Variants in INPP4B observed in about 807,000 individuals in gnomAD.
INPP4B encodes the protein inositol polyphosphate 4-phosphatase type II.
In INPP4B, 55 loss-of-function variants were observed where a neutral mutation model predicts 122.5. The observed-to-expected ratio is 0.45, with a 90% CI of 0.36 to 0.56. INPP4B has a LOEUF of 0.56. INPP4B is among the 20% of genes least tolerant of loss of function. The pLI is 0.00. For missense variants in INPP4B, 1,000 were observed against 1,097.7 expected (o/e 0.91, Z 1.26); for synonymous variants, 403 against 388.7 (o/e 1.04, Z -0.43).
At chr4:142,544,707 C>A (rs1468702775) in intron 2 of INPP4B, among the ~76,000 whole-genome samples, 1 of 152,044 alleles carries the variant, frequency 6.6e-6, no homozygotes, top group Non-Finnish European at 1.5e-5. Flanking sequence ...ACAGGGCAGG[C>A]TGACCATACT....
intron 3 of INPP4B, among the ~76,000 whole-genome samples, chr4:142,460,156 A>G (rs1475461116): frequency 2.6e-5 from 4 of 152,150 alleles, no homozygotes; most frequent in Admixed American, 1.3e-4. Flanking sequence ...GACAATGTTG[A>G]AAAAACAGGA....
intron 7 of INPP4B, among the ~76,000 whole-genome samples, chr4:142,338,029 C>T (rs1777438356): frequency 6.6e-6 from 1 of 151,954 alleles, no homozygotes. Context: ...TTTGTCAGCA[C>T]TTACATATCT....
chr4:142,114,742 T>C (rs1792137868), intron 21 of INPP4B, among the ~76,000 whole-genome samples: 1 of 152,072 alleles, frequency 6.6e-6, no homozygotes. Flanking sequence ...AATGGTGTTC[T>C]TTTGATGCTT....
intron 1 of INPP4B, among the ~76,000 whole-genome samples, chr4:142,731,418 A>G (rs1766070382): frequency 6.6e-6 from 1 of 152,220 alleles, no homozygotes; most frequent in African/African-American, 2.4e-5. Flanking sequence ...ATAAAATTAA[A>G]AAAGGCAGTC....
In INPP4B at chr4:142,124,777, T is replaced by G. The variant is rs1439339982; in HGVS notation, c.1721-17A>C. ...ACCAGTCCTCTGGGGGAAGGGGGTG[T>G]AAGAACAGTGCAATAGATGAAGGAA... On this transcript the variant is annotated splice_polypyrimidine_tract_variant and intron_variant, in intron 18 of 25. Transcript: ENST00000262992. The G allele has an allele frequency of 1.3e-6, 2 of 1,506,990 alleles. No individual in the cohort carries two copies. 93.4% of individuals were successfully genotyped at this position (1,506,990 alleles called of 1,614,324 possible).
chr4:142,393,181 C>T (rs906460619), intron 7 of INPP4B, among the ~76,000 whole-genome samples: 4 of 152,064 alleles, frequency 2.6e-5, no homozygotes, highest in Admixed American at 2.0e-4. Context: ...GAGAGTGGTG[C>T]CAAGGCCCTG....
chr4:142,290,195 C>CTTT (rs35260066), intron 9 of INPP4B, among the ~76,000 whole-genome samples: 924 of 77,492 alleles, frequency 0.012, 188 homozygotes, highest in African/African-American at 0.053. Flanking sequence ...TTCTTTCTTC[C>CTTT]TTTTTTTTTT....
chr4:142,339,205 T>C (rs573230498), intron 7 of INPP4B, among the ~76,000 whole-genome samples: 7 of 152,348 alleles, frequency 4.6e-5, no homozygotes, highest in Non-Finnish European at 1.0e-4. Context: ...GGTTCTACTT[T>C]GCAAACAGTC....
chr4:142,131,249 G>A (rs114320454), intron 18 of INPP4B, among the ~76,000 whole-genome samples: 1,908 of 152,246 alleles, frequency 0.013, 23 homozygotes, highest in African/African-American at 0.028. Context: ...TTATCAATAT[G>A]TCTACATCAG....
chr4:142,252,882 G>A (rs974820814), intron 11 of INPP4B, among the ~76,000 whole-genome samples: 2 of 152,110 alleles, frequency 1.3e-5, no homozygotes, highest in Admixed American at 6.5e-5. Flanking sequence ...GTTTAACAAG[G>A]GGTTATGTTC....
At chr4:142,799,729 T>A (rs1304965115) in intron 1 of INPP4B, among the ~76,000 whole-genome samples, 1 of 151,924 alleles carries the variant, frequency 6.6e-6, no homozygotes, top group African/African-American at 2.4e-5. Flanking sequence ...TTTTTAATAG[T>A]GCATCTAGTG....
chr4:142,563,888 C>G (rs1050186082), intron 2 of INPP4B, among the ~76,000 whole-genome samples: 1 of 152,130 alleles, frequency 6.6e-6, no homozygotes, highest in Non-Finnish European at 1.5e-5. Context: ...GCTAATCCCC[C>G]GAAGCAGAGC....
chr4:142,303,598 G>A (rs190826977), intron 9 of INPP4B, among the ~76,000 whole-genome samples: 29 of 152,102 alleles, frequency 1.9e-4, no homozygotes, highest in African/African-American at 5.3e-4. Context: ...AAGAGGCTAC[G>A]ATAAATCTAT....
intron 12 of INPP4B, among the ~76,000 whole-genome samples, chr4:142,210,654 AG>A (rs1844498371): frequency 6.6e-6 from 1 of 152,246 alleles, no homozygotes; most frequent in Non-Finnish European, 1.5e-5. Context: ...ATATACAGCA[AG>A]TATAATATAT....
intron 8 of INPP4B, among the ~76,000 whole-genome samples, chr4:142,313,667 T>C (rs1009616269): frequency 1.8e-4 from 27 of 152,128 alleles, no homozygotes; most frequent in African/African-American, 6.3e-4. Flanking sequence ...AGCACAGAGA[T>C]TGGTAGTAGA....
chr4:142,682,591 C>T (rs969780342), intron 2 of INPP4B, among the ~76,000 whole-genome samples: 2 of 151,822 alleles, frequency 1.3e-5, no homozygotes, highest in Non-Finnish European at 2.9e-5. Flanking sequence ...AACAGTGTCA[C>T]TTTCATGCAA....
chr4:142,139,704 G>A (rs1806724905), intron 18 of INPP4B, among the ~76,000 whole-genome samples: 1 of 152,176 alleles, frequency 6.6e-6, no homozygotes, highest in Non-Finnish European at 1.5e-5. Flanking sequence ...AGCCTTATAT[G>A]TGTTCCTATT....
At chr4:142,456,312 T>C (rs1449570921) in intron 3 of INPP4B, among the ~76,000 whole-genome samples, 4 of 152,048 alleles carry the variant, frequency 2.6e-5, no homozygotes, top group Admixed American at 2.6e-4. Flanking sequence ...TTAATTCATT[T>C]TGATTTGTAT....
At chr4:142,095,682 C>T (rs1019985183) in intron 23 of INPP4B, among the ~76,000 whole-genome samples, 2 of 151,802 alleles carry the variant, frequency 1.3e-5, no homozygotes, top group African/African-American at 2.4e-5. Context: ...AGTGATTTCA[C>T]GAAAAAATTA....
Sources: allele counts gnomAD v4.1 joint callset (sites outside exome capture counted in the v4.1 genomes callset), GRCh38; gene constraint gnomAD v4.1.1; transcripts MANE v1.5; gene names NCBI Gene and HGNC (gene_info 2026-07-23, HGNC 2026-07-21).